CDH12: variants seen among roughly 807,000 people sequenced by gnomAD.
CDH12 encodes cadherin 12.
A neutral mutation model predicts 74.1 loss-of-function variants in CDH12; 41 were observed. The ratio of observed to expected loss-of-function variants is 0.55; its 90% CI spans 0.43 to 0.72. The LOEUF (loss-of-function observed/expected upper bound fraction) is 0.72. Among genes scored for constraint, CDH12 ranks in the 30% least tolerant of loss-of-function variants. The pLI is 0.00. For synonymous variants in CDH12, 399 were observed against 355.0 expected, an observed-to-expected ratio of 1.12 and a Z score of -1.39; for missense variants, 945 against 977.2, an observed-to-expected ratio of 0.97 and a Z score of 0.44.
At chr5:22,549,330 T>C (rs1032259540) in intron 1 of CDH12, among the ~76,000 whole-genome samples, 1 of 152,180 alleles carries the variant, frequency 6.6e-6, no homozygotes, top group East Asian at 1.9e-4. Flanking sequence ...TCTTGGAATA[T>C]GTTTTCAATT....
At chr5:21,980,354 T>G (rs1207998465) in intron 5 of CDH12, among the ~76,000 whole-genome samples, 1 of 152,108 alleles carries the variant, frequency 6.6e-6, no homozygotes, top group Non-Finnish European at 1.5e-5. Context: ...CATATGGCTC[T>G]TATGGAGGTA....
chr5:22,535,299 C>T (rs886854670), intron 1 of CDH12, among the ~76,000 whole-genome samples: 8 of 151,754 alleles, frequency 5.3e-5, no homozygotes, highest in African/African-American at 7.3e-5. Context: ...GGACTACAGG[C>T]GCCCGCTACC....
In CDH12 at chr5:22,853,065, C is replaced by A. The variant is rs1236682763; in HGVS notation, c.-530G>T. ...CAAAAACGGAAGCCTTACCTGATGG[C>A]AGAAAAGGCAGCTGCAGGAGCAGCA... On this transcript the variant is annotated 5_prime_UTR_variant, in exon 1 of 15. Transcript: ENST00000382254. 6.6e-6 allele frequency: 1 copy of A among 152,376 alleles called. No homozygotes were observed. Among genetic ancestry groups the A allele is most frequent in the East Asian group, 1.9e-4 (1 of 5,200 alleles). The allele number at this position is 152,376 out of a possible 1,614,324, so 9.4% of individuals were successfully genotyped here.
At chr5:22,257,871 G>T (rs1418955478) in intron 3 of CDH12, among the ~76,000 whole-genome samples, 1 of 152,036 alleles carries the variant, frequency 6.6e-6, no homozygotes, top group African/African-American at 2.4e-5. Flanking sequence ...ACTCCCACAA[G>T]CTTAGCGTTC....
At chr5:22,178,120 C>A (rs1749442343) in intron 4 of CDH12, among the ~76,000 whole-genome samples, 1 of 152,158 alleles carries the variant, frequency 6.6e-6, no homozygotes, top group African/African-American at 2.4e-5. Flanking sequence ...ATAGTCAAGG[C>A]TACCTCTCAT....
chr5:22,429,489 T>A (rs1744078451), intron 2 of CDH12, among the ~76,000 whole-genome samples: 1 of 152,050 alleles, frequency 6.6e-6, no homozygotes, highest in South Asian at 2.1e-4. Flanking sequence ...AAGGGAAAAA[T>A]TTCTTTTAAA....
chr5:21,835,696 G>A (rs1749492365), intron 8 of CDH12, among the ~76,000 whole-genome samples: 1 of 151,392 alleles, frequency 6.6e-6, no homozygotes, highest in South Asian at 2.1e-4. Flanking sequence ...TTTATTCTAA[G>A]AAAATATTTA....
rs369988892 is a variant in CDH12 at position 21,752,283 on chromosome 5, T to C, written c.1886-47A>G. 1.5e-5 allele frequency: 22 copies of C among 1,506,912 alleles called. No homozygotes were observed. The African/African-American group carries it at 1.7e-4, about 11-fold the overall frequency. 93.3% of individuals were successfully genotyped at this position (1,506,912 alleles called of 1,614,324 possible). A position where few individuals can be genotyped will look rare whatever the true frequency, so the allele number is the denominator to read the frequency against. On this transcript the variant is annotated intron_variant, in intron 14 of 14. Transcript: ENST00000382254. ...AATTTGAGAATAGAAAGCAGATAGGTCATTTCATCTCTCCATAAAAATTAA... is the reference window on the plus strand; with the variant it reads ...AATTTGAGAATAGAAAGCAGATAGGCCATTTCATCTCTCCATAAAAATTAA...
intron 3 of CDH12, among the ~76,000 whole-genome samples, chr5:22,279,695 A>C (rs1336736846): frequency 1.3e-5 from 2 of 152,300 alleles, no homozygotes; most frequent in South Asian, 2.1e-4. Context: ...GTCCCTACGA[A>C]GGACATGAAC....
chr5:22,020,554 CAAAAA>C (rs113531853), intron 5 of CDH12, among the ~76,000 whole-genome samples: 1 of 114,258 alleles, frequency 8.8e-6, no homozygotes, highest in Non-Finnish European at 2.0e-5. Context: ...GACTTCGTTT[CAAAAA>C]AAAAAAAAAA....
chr5:22,163,560 G>T (rs545832713), intron 4 of CDH12, among the ~76,000 whole-genome samples: 1 of 152,040 alleles, frequency 6.6e-6, no homozygotes, highest in Non-Finnish European at 1.5e-5. Context: ...TATTTTACAT[G>T]CTGCACCCAT....
At chr5:22,337,097 C>A (rs959831590) in intron 3 of CDH12, among the ~76,000 whole-genome samples, 3 of 152,228 alleles carry the variant, frequency 2.0e-5, no homozygotes, top group African/African-American at 7.2e-5. Context: ...GACTGCCCTG[C>A]TGGCATTCAG....
At chr5:22,652,361 T>C (rs1739788768) in intron 1 of CDH12, among the ~76,000 whole-genome samples, 1 of 152,140 alleles carries the variant, frequency 6.6e-6, no homozygotes, top group Non-Finnish European at 1.5e-5. Flanking sequence ...TGACATTCTG[T>C]AGCCCTCTGT....
At chr5:22,841,814 T>A (rs1737094739) in intron 1 of CDH12, among the ~76,000 whole-genome samples, 1 of 152,278 alleles carries the variant, frequency 6.6e-6, no homozygotes, top group East Asian at 1.9e-4. Context: ...AGTCTACACT[T>A]ATGCATTTTT....
intron 1 of CDH12, among the ~76,000 whole-genome samples, chr5:22,669,921 C>A (rs1279825070): frequency 4.6e-5 from 7 of 152,152 alleles, no homozygotes; most frequent in Admixed American, 4.6e-4. Context: ...GTAGACTGTA[C>A]ATTATAAATC....
chr5:21,962,150 C>T (rs1437030016), intron 6 of CDH12, among the ~76,000 whole-genome samples: 2 of 152,126 alleles, frequency 1.3e-5, no homozygotes, highest in Admixed American at 6.6e-5. Context: ...TTTGAAAACA[C>T]TGGCAATTAT....
At chr5:22,385,457 A>C (rs1308616260) in intron 3 of CDH12, among the ~76,000 whole-genome samples, 2 of 152,188 alleles carry the variant, frequency 1.3e-5, no homozygotes. Flanking sequence ...CTTCCTAGAA[A>C]ACTTCCAATT....
chr5:22,063,043 G>A (rs4489028), intron 5 of CDH12, among the ~76,000 whole-genome samples: 57,147 of 151,988 alleles, frequency 0.38, 13,631 homozygotes, highest in African/African-American at 0.68. Context: ...TTTTAAATAT[G>A]TTAGTATATT....
At chr5:22,100,686 CAT>C (rs1491074222) in intron 4 of CDH12, among the ~76,000 whole-genome samples, 30 of 151,668 alleles carry the variant, frequency 2.0e-4, no homozygotes, top group African/African-American at 7.0e-4. Flanking sequence ...CACACACACA[CAT>C]ACACTCTTTT....
Sources: gnomAD v4.1 joint callset for allele counts (sites outside exome capture counted in the v4.1 genomes callset) on GRCh38, gnomAD v4.1.1 for gene constraint, MANE v1.5 for transcripts, NCBI Gene and HGNC (gene_info 2026-07-23, HGNC 2026-07-21) for gene names.